AFG3L2: variants seen among roughly 807,000 people sequenced by gnomAD.
The protein encoded by AFG3L2 is AFG3 like matrix AAA peptidase subunit 2.
AFG3L2 carries 54 observed loss-of-function variants against 94.5 expected under a neutral mutation model. The ratio of observed to expected loss-of-function variants is 0.57; its 90% CI spans 0.46 to 0.72. AFG3L2 has a LOEUF of 0.72. Among genes scored for constraint, AFG3L2 ranks in the 30% least tolerant of loss-of-function variants. AFG3L2 has a pLI of 0.00. For missense variants in AFG3L2, 754 were observed against 994.9 expected (o/e 0.76, Z 3.26); for synonymous variants, 377 against 365.5 (o/e 1.03, Z -0.36).
chr18:12,345,960 T>C (rs1225250560), intron 13 of AFG3L2, among the ~76,000 whole-genome samples: 1 of 152,182 alleles, frequency 6.6e-6, no homozygotes, highest in Non-Finnish European at 1.5e-5. Context: ...AGCCTCTATG[T>C]CCTCACTGGA....
At chr18:12,366,801 G>C (rs912168719) in intron 5 of AFG3L2, among the ~76,000 whole-genome samples, 164 bp downstream of exon 5, 3 of 152,182 alleles carry the variant, frequency 2.0e-5, no homozygotes, top group Non-Finnish European at 4.4e-5. Context: ...GTCAAAACAC[G>C]GGTTCTCTAG....
intron 9 of AFG3L2, 130 bp from the exon 10 acceptor site, chr18:12,353,288 G>T: frequency 1.8e-6 from 2 of 1,104,354 alleles, no homozygotes; most frequent in Non-Finnish European, 2.6e-6. Flanking sequence ...GCCGAGGCTG[G>T]TGGATCACCT....
chr18:12,361,023 G>A (rs920759832), intron 6 of AFG3L2, among the ~76,000 whole-genome samples: 9 of 152,140 alleles, frequency 5.9e-5, no homozygotes, highest in African/African-American at 2.2e-4. Flanking sequence ...CCTCTAACCT[G>A]CAATCATCTT....
chr18:12,348,696 C>A (rs1463215961), intron 12 of AFG3L2, among the ~76,000 whole-genome samples: 1 of 152,194 alleles, frequency 6.6e-6, no homozygotes, highest in Non-Finnish European at 1.5e-5. Flanking sequence ...TCTAAAAATG[C>A]TCATTTAAAT....
At chr18:12,369,013 T>C (rs1398458517) in intron 3 of AFG3L2, among the ~76,000 whole-genome samples, 1 of 152,058 alleles carries the variant, frequency 6.6e-6, no homozygotes, top group African/African-American at 2.4e-5. Context: ...TGTGGCTTCA[T>C]GACACATTCA....
At position 12,352,941 on chromosome 18, in the gene AFG3L2, C is replaced by A. The variant is rs1331129482; in HGVS notation, c.1318+64G>T. On this transcript the variant is annotated intron_variant, in intron 10 of 16. Coordinates refer to ENST00000269143, the MANE Select transcript of AFG3L2 (RefSeq NM_006796.3). Reference sequence around the variant, plus strand: ...CTCACTTCAGCCTGGACGACAGAGTCAGACTCCATCTCAAAAAAAAAAACA... The same window carrying A: ...CTCACTTCAGCCTGGACGACAGAGTAAGACTCCATCTCAAAAAAAAAAACA... 57 of 1,598,934 alleles carry A rather than the reference C, an allele frequency of 3.6e-5. 1 individual carries two copies. Among genetic ancestry groups the A allele is most frequent in the Middle Eastern group, 4.5e-4 (2 of 4,470 alleles).
At chr18:12,359,647 G>A (rs1042474128) in intron 7 of AFG3L2, among the ~76,000 whole-genome samples, 2 of 152,022 alleles carry the variant, frequency 1.3e-5, no homozygotes, top group African/African-American at 2.4e-5. Context: ...ACTGAGGCAG[G>A]AGAATCGCGT....
chr18:12,370,763 A>T, intron 3 of AFG3L2, 86 bp downstream of exon 3: 1 of 936,512 alleles, frequency 1.1e-6, no homozygotes, highest in South Asian at 1.4e-5. Flanking sequence ...CCGGCCTGAT[A>T]ACTCTTTTCT....
Position 12,329,453 on chromosome 18 carries a change from CAGTGGCT to C in AFG3L2, c.*105_*111del. The C allele has an allele frequency of 2.7e-6, 3 of 1,127,294 alleles. No homozygotes were observed. The allele number at this position is 1,127,294 out of a possible 1,614,324, so 69.8% of individuals were successfully genotyped here. ...CCTTTCCCCATCATTTCAGCTGGGC[CAGTGGCT>C]GGCTAAAATCAGCGCAGCATTCCCA... is the stretch of plus-strand genomic sequence containing the variant. On this transcript the variant is annotated 3_prime_UTR_variant, in exon 17 of 17. Coordinates refer to ENST00000269143, the MANE Select transcript of AFG3L2 (RefSeq NM_006796.3).
intron 16 of AFG3L2, among the ~76,000 whole-genome samples, chr18:12,336,365 C>T (rs1907741825): frequency 6.6e-6 from 1 of 152,256 alleles, no homozygotes; most frequent in Non-Finnish European, 1.5e-5. Context: ...GACTTACCAA[C>T]TGGTCCTGTG....
At chr18:12,330,334 C>CA (rs139661305) in intron 16 of AFG3L2, among the ~76,000 whole-genome samples, 92,125 of 147,144 alleles carry the variant, frequency 0.63, 29,744 homozygotes, top group South Asian at 0.73. Context: ...TCAAAACAAA[C>CA]AAACAAAAAA....
chr18:12,371,449 T>C (rs1158842057), intron 2 of AFG3L2, 143 bp downstream of exon 2: 1 of 707,782 alleles, frequency 1.4e-6, no homozygotes, highest in Non-Finnish European at 2.5e-6. Flanking sequence ...AATTTCATTA[T>C]CTACAAATGT....
rs1187265247 is a variant in AFG3L2 at position 12,333,189 on chromosome 18, AATAT to A, written c.2176-3410_2176-3407del. Among the ~76,000 whole-genome samples the A allele has an allele frequency of 4.8e-3, 565 of 117,970 alleles. 4 individuals carry two copies. Among genetic ancestry groups the A allele is most frequent in the Middle Eastern group, 0.011 (3 of 262 alleles). 77.4% of individuals were successfully genotyped at this position (117,970 alleles called of 152,430 possible). On this transcript the variant is annotated intron_variant, in intron 16 of 16. Transcript: ENST00000269143. ...TATAATAATAGATAATATAATAAAT[AATAT>A]ATATAATAATCTAATATATAATCTA...
chr18:12,359,892 G>A, intron 7 of AFG3L2, 35 bp downstream of exon 7: 1 of 1,611,432 alleles, frequency 6.2e-7, no homozygotes, highest in Non-Finnish European at 8.5e-7. Context: ...AGGCAGCACA[G>A]TCAACAGTCT....
At chr18:12,345,670 A>G (rs1284246341) in intron 13 of AFG3L2, among the ~76,000 whole-genome samples, 1 of 152,152 alleles carries the variant, frequency 6.6e-6, no homozygotes, top group Non-Finnish European at 1.5e-5. Flanking sequence ...TGCGGGGCCC[A>G]GCAGCTGCCT....
At chr18:12,350,745 G>A (rs186937752) in intron 12 of AFG3L2, among the ~76,000 whole-genome samples, 6 of 152,166 alleles carry the variant, frequency 3.9e-5, no homozygotes, top group East Asian at 1.9e-4. Flanking sequence ...CAGGAGTTTC[G>A]GGCCAGCCTG....
rs776098110 is a variant in AFG3L2 at position 12,377,014 on chromosome 18, G to A, written c.69C>T (p.Leu23=). ...CGCCCGGGCCCACGCCGCCAGGCAC[G>A]AGGAGCTGCTGTAGGCCGCGGGGCC... is the stretch of plus-strand genomic sequence containing the variant. ...GCWPRGLQQL[L]VPGGVGPGEQ... Residue 23 remains leucine (L), a synonymous_variant, in exon 1 of 17, where the codon CTC becomes CTT. Coordinates refer to ENST00000269143, the MANE Select transcript of AFG3L2 (RefSeq NM_006796.3). 9 of 1,461,712 alleles carry A rather than the reference G, an allele frequency of 6.2e-6. No homozygotes were observed. Among genetic ancestry groups the A allele is most frequent in the African/African-American group, 2.9e-5 (2 of 67,932 alleles). 90.5% of individuals were successfully genotyped at this position (1,461,712 alleles called of 1,614,324 possible). A position where few individuals can be genotyped will look rare whatever the true frequency, so the allele number is the denominator to read the frequency against.
intron 16 of AFG3L2, among the ~76,000 whole-genome samples, chr18:12,333,284 TATA>T (rs1907637373): frequency 7.6e-6 from 1 of 130,724 alleles, no homozygotes; most frequent in Admixed American, 9.1e-5. Context: ...ATAGATTATA[TATA>T]ATATATAAAT....
At chr18:12,338,398 G>A (rs546691291) in intron 15 of AFG3L2, among the ~76,000 whole-genome samples, 1 of 152,148 alleles carries the variant, frequency 6.6e-6, no homozygotes, top group Non-Finnish European at 1.5e-5. Context: ...GCATTTCCCC[G>A]TTCACTGAGT....
Sources: allele counts gnomAD v4.1 joint callset (sites outside exome capture counted in the v4.1 genomes callset), GRCh38; gene constraint gnomAD v4.1.1; transcripts MANE v1.5; gene names NCBI Gene and HGNC (gene_info 2026-07-23, HGNC 2026-07-21).